NEXN: variants seen among roughly 807,000 people sequenced by gnomAD.
The protein encoded by NEXN is nexilin.
Under a neutral mutation model 92.6 loss-of-function variants are expected in NEXN, and 65 were observed. The observed-to-expected ratio is 0.70, with a 90% CI of 0.57 to 0.86. The LOEUF (loss-of-function observed/expected upper bound fraction) is 0.86. NEXN is among the 40% of genes least tolerant of loss of function. The pLI is 0.00. For synonymous variants in NEXN, 254 were observed against 242.5 expected (o/e 1.05, Z -0.44); for missense variants, 778 against 771.1 (o/e 1.01, Z -0.11).
chr1:77,936,732 A>AT (rs564513007), intron 11 of NEXN, among the ~76,000 whole-genome samples: 6 of 152,058 alleles, frequency 3.9e-5, no homozygotes, highest in Non-Finnish European at 8.8e-5. Context: ...AGATCTAGAA[A>AT]TTTTTTTTCT....
intron 1 of NEXN, among the ~76,000 whole-genome samples, chr1:77,913,885 T>C (rs1201337724): frequency 6.6e-6 from 1 of 152,140 alleles, no homozygotes; most frequent in Non-Finnish European, 1.5e-5. Flanking sequence ...ATGCAGGTAA[T>C]AGAATATTAT....
chr1:77,907,566 A>G (rs939487434), intron 1 of NEXN, among the ~76,000 whole-genome samples: 28 of 152,238 alleles, frequency 1.8e-4, no homozygotes, highest in Admixed American at 4.6e-4. Context: ...AGTTAAGGCT[A>G]GTGCTGTTCA....
intron 5 of NEXN, 21 bp from the exon 6 acceptor site, chr1:77,925,167 T>A (rs769925270): frequency 3.9e-6 from 6 of 1,528,684 alleles, no homozygotes; most frequent in Non-Finnish European, 5.4e-6. Context: ...AATGTAATGA[T>A]ATGAAATTCT....
intron 1 of NEXN, among the ~76,000 whole-genome samples, chr1:77,905,258 C>A (rs200832242): frequency 9.3e-5 from 14 of 149,800 alleles, no homozygotes; most frequent in South Asian, 2.1e-4. Context: ...GACTCCGTCT[C>A]AAAAAAAAAA....
intron 1 of NEXN, among the ~76,000 whole-genome samples, chr1:77,893,376 C>T (rs1051409657): frequency 6.6e-6 from 1 of 152,168 alleles, no homozygotes; most frequent in Admixed American, 6.5e-5. Flanking sequence ...GTGAGGAGGC[C>T]CAGACTCCAG....
At chr1:77,931,878 CCA>C (rs1272953087) in intron 9 of NEXN, 12 of 152,172 alleles carry the variant, frequency 7.9e-5, no homozygotes, top group Non-Finnish European at 2.9e-5. Context: ...TGTATTTCAA[CCA>C]CAGAGTCACA....
chr1:77,920,003 G>A (rs1649298192), intron 5 of NEXN, among the ~76,000 whole-genome samples: 1 of 151,702 alleles, frequency 6.6e-6, no homozygotes, highest in African/African-American at 2.4e-5. Flanking sequence ...GGATTCAAGC[G>A]ATTATCCTGC....
At chr1:77,910,934 C>T (rs910163266) in intron 1 of NEXN, among the ~76,000 whole-genome samples, 15 of 151,826 alleles carry the variant, frequency 9.9e-5, no homozygotes, top group African/African-American at 3.6e-4. Flanking sequence ...AGTTCCTGGG[C>T]TCAAGAGATC....
chr1:77,916,181 T>C (rs772825036), intron 2 of NEXN, 48 bp downstream of exon 2: 2 of 1,465,440 alleles, frequency 1.4e-6, no homozygotes, highest in East Asian at 4.7e-5. Flanking sequence ...AATGTAGAGT[T>C]GACTGTAGAA....
intron 1 of NEXN, among the ~76,000 whole-genome samples, chr1:77,897,620 C>T (rs1171762878): frequency 6.6e-6 from 1 of 151,994 alleles, no homozygotes; most frequent in Non-Finnish European, 1.5e-5. Context: ...TGCCCTCTCT[C>T]ACCACTCCTA....
rs558849092 is a variant in NEXN, at chr1:77,898,803, A to G, written c.-53+10044A>G. The stretch of plus-strand genomic sequence containing the variant: ...TATCCAGAATCTACAATGAACTCAA[A>G]CAAATTTACAAGAAAAAAACAACCC... On this transcript the variant is annotated intron_variant, in intron 1 of 12. Transcript: ENST00000334785. 6.9e-3 allele frequency among the ~76,000 whole-genome samples: 1,057 copies of G among 152,326 alleles called. 7 individuals carry two copies. The highest frequency in any genetic ancestry group is 0.011 in the Admixed American group (172 of 15,302).
chr1:77,914,259 A>G (rs1454490373), intron 1 of NEXN, among the ~76,000 whole-genome samples: 1 of 152,216 alleles, frequency 6.6e-6, no homozygotes. Flanking sequence ...GTGTCAGTAT[A>G]GGTTCATCAT....
At chr1:77,928,396 TC>T (rs1288734433) in intron 8 of NEXN, among the ~76,000 whole-genome samples, 1 of 151,952 alleles carries the variant, frequency 6.6e-6, no homozygotes, top group Non-Finnish European at 1.5e-5. Flanking sequence ...TGAATGATGT[TC>T]TAAGAATTAT....
intron 1 of NEXN, among the ~76,000 whole-genome samples, chr1:77,895,897 TG>T (rs2102033978): frequency 6.6e-6 from 1 of 151,970 alleles, no homozygotes; most frequent in Admixed American, 6.6e-5. Context: ...ACAGCCTGGT[TG>T]GGCACAGTGG....
intron 1 of NEXN, among the ~76,000 whole-genome samples, chr1:77,906,604 TATG>T (rs569467589): frequency 2.7e-3 from 404 of 152,272 alleles, no homozygotes; most frequent in South Asian, 0.014. Flanking sequence ...TATGAAAAGT[TATG>T]ATAACATTGA....
chr1:77,900,431 T>C (rs908497932), intron 1 of NEXN, among the ~76,000 whole-genome samples: 1 of 152,180 alleles, frequency 6.6e-6, no homozygotes, highest in Non-Finnish European at 1.5e-5. Context: ...TCTATTTCTG[T>C]CACCAAAGCT....
In NEXN at chr1:77,929,337, C is replaced by G. The variant is rs749518363; in HGVS notation, c.886C>G (p.Gln296Glu). 1.2e-6 allele frequency: 2 copies of G among 1,612,996 alleles called. No individual in the cohort carries two copies. Among genetic ancestry groups the G allele is most frequent in the African/African-American group, 2.7e-5 (2 of 74,902 alleles). The change falls in exon 9 of 13, where the codon CAA (glutamine) becomes GAA (glutamate). Residue 296 changes from glutamine (Q) to glutamate (E), a missense_variant. Coordinates refer to ENST00000334785, the MANE Select transcript of NEXN (RefSeq NM_144573.4). ...RQMVNEDEEN[Q>E]DTAKIFKGYR... ...TTAGGTAAATGAAGATGAGGAAAAC[C>G]AAGACACAGCAAAAATTTTTAAAGG...
Position 77,943,396 on chromosome 1 carries a change from G to T in NEXN, c.*567G>T. 1 of 162,998 alleles carries T rather than the reference G, an allele frequency of 6.1e-6. No homozygotes were observed. The highest frequency in any genetic ancestry group is 1.8e-4 in the East Asian group (1 of 5,578). The allele number at this position is 162,998 out of a possible 1,614,324, so 10.1% of individuals were successfully genotyped here. A position where few individuals can be genotyped will look rare whatever the true frequency, so the allele number is the denominator to read the frequency against. ...TTTTTCTTTAGTAGTACACCATTTT[G>T]GTTGTTGTAGTTTCAAAGTCTTTCT... On this transcript the variant is annotated 3_prime_UTR_variant, in exon 13 of 13. Coordinates refer to ENST00000334785, the MANE Select transcript of NEXN (RefSeq NM_144573.4).
intron 10 of NEXN, among the ~76,000 whole-genome samples, chr1:77,933,690 T>A (rs1232838476): frequency 6.6e-6 from 1 of 152,214 alleles, no homozygotes; most frequent in Non-Finnish European, 1.5e-5. Flanking sequence ...TAAAAAAGTA[T>A]CTAGGTTTGC....
Sources: gnomAD v4.1 joint callset for allele counts (sites outside exome capture counted in the v4.1 genomes callset) on GRCh38, gnomAD v4.1.1 for gene constraint, MANE v1.5 for transcripts, NCBI Gene and HGNC (gene_info 2026-07-23, HGNC 2026-07-21) for gene names.